STPG2: variants seen among roughly 807,000 people sequenced by gnomAD.
STPG2 encodes sperm tail PG-rich repeat containing 2.
In STPG2, 56 loss-of-function variants were observed where a neutral mutation model predicts 54.2. The observed-to-expected ratio is 1.03, with a 90% CI of 0.83 to 1.29. STPG2 has a LOEUF of 1.29. STPG2 is among the 50% of genes most tolerant of loss of function. STPG2 has a pLI of 0.00. For synonymous variants in STPG2, 200 were observed against 181.8 expected (o/e 1.10, Z -0.81); for missense variants, 596 against 544.9 (o/e 1.09, Z -0.93).
At chr4:97,839,691 A>G (rs72881449) in intron 9 of STPG2, among the ~76,000 whole-genome samples, 19,400 of 151,600 alleles carry the variant, frequency 0.13, 1,907 homozygotes, top group African/African-American at 0.26. Flanking sequence ...AAGAAAATAA[A>G]AAGTGAAATT....
intron 10 of STPG2, among the ~76,000 whole-genome samples, chr4:97,684,443 A>G (rs1470573610): frequency 6.6e-6 from 1 of 151,988 alleles, no homozygotes; most frequent in Non-Finnish European, 1.5e-5. Context: ...AGTACAGCCA[A>G]CTGATCTTTG....
At chr4:97,781,180 C>A (rs528656060) in intron 9 of STPG2, among the ~76,000 whole-genome samples, 5 of 152,076 alleles carry the variant, frequency 3.3e-5, no homozygotes, top group African/African-American at 9.7e-5. Flanking sequence ...AATTGATAGA[C>A]CGCTAGCAAG....
At chr4:97,922,533 T>C (rs1341391763) in intron 8 of STPG2, among the ~76,000 whole-genome samples, 1 of 152,178 alleles carries the variant, frequency 6.6e-6, no homozygotes, top group Non-Finnish European at 1.5e-5. Flanking sequence ...AAAAAGTTGT[T>C]TGTAGTGCTG....
At chr4:97,476,742 T>G (rs1044162276) in intron 4 of STPG2, among the ~76,000 whole-genome samples, 12 of 152,238 alleles carry the variant, frequency 7.9e-5, no homozygotes, top group Admixed American at 5.2e-4. Context: ...TGGAAGCAGT[T>G]TTGCAGCATC....
At chr4:97,654,759 A>G (rs1191159329) in intron 10 of STPG2, among the ~76,000 whole-genome samples, 1 of 152,132 alleles carries the variant, frequency 6.6e-6, no homozygotes, top group African/African-American at 2.4e-5. Flanking sequence ...AACAACAGAA[A>G]AAATGGTCAA....
chr4:97,652,202 C>T (rs962847201), intron 10 of STPG2, among the ~76,000 whole-genome samples: 6 of 151,706 alleles, frequency 4.0e-5, no homozygotes, highest in Non-Finnish European at 5.9e-5. Flanking sequence ...CACATTGTAA[C>T]GAAGAAAGCA....
At chr4:97,795,986 CAT>C (rs1200664983) in intron 9 of STPG2, among the ~76,000 whole-genome samples, 9 of 152,218 alleles carry the variant, frequency 5.9e-5, no homozygotes, top group Admixed American at 2.6e-4. Context: ...CTGTTGGCTG[CAT>C]AAATGTCTTC....
At chr4:98,102,350 A>T (rs189015582) in intron 5 of STPG2, among the ~76,000 whole-genome samples, 80 of 152,306 alleles carry the variant, frequency 5.3e-4, no homozygotes, top group Non-Finnish European at 9.4e-4. Flanking sequence ...AATATTATTC[A>T]TCCATATATT....
At chr4:97,874,773 G>T (rs370913643) in intron 8 of STPG2, among the ~76,000 whole-genome samples, 1 of 151,452 alleles carries the variant, frequency 6.6e-6, no homozygotes, top group South Asian at 2.1e-4. Context: ...ACAGTATTTC[G>T]AAATGGGGCC....
At position 97,712,773 on chromosome 4, in the gene STPG2, T is replaced by C; in HGVS notation, c.1246A>G (p.Ile416Val). Residue 416 changes from isoleucine (I) to valine (V), a missense_variant, in exon 10 of 11, where the codon ATA (isoleucine) becomes GTA (valine). Coordinates refer to ENST00000295268, the MANE Select transcript of STPG2 (RefSeq NM_174952.3). ...YNPVLRKSCP[I>V]PLFVKASKRF... is the part of the protein sequence containing the mutation. ...TTTGATGCTTTCACAAATAAGGGTA[T>C]GGGGCAAGATTTCCTTAAAACAGGA... The C allele has an allele frequency of 6.2e-7, 1 of 1,608,556 alleles. No homozygotes were observed. Among genetic ancestry groups the C allele is most frequent in the Non-Finnish European group, 8.5e-7 (1 of 1,176,594 alleles).
intron 8 of STPG2, among the ~76,000 whole-genome samples, chr4:97,876,404 T>C (rs1730172539): frequency 6.6e-6 from 1 of 152,100 alleles, no homozygotes; most frequent in South Asian, 2.1e-4. Flanking sequence ...TTAATGCTTC[T>C]TTTATAATTA....
chr4:98,055,700 C>T (rs13111960), intron 5 of STPG2, among the ~76,000 whole-genome samples: 59,348 of 152,042 alleles, frequency 0.39, 11,806 homozygotes, highest in Middle Eastern at 0.46. Flanking sequence ...GGACAGCCAT[C>T]CCTCTAGGCT....
At chr4:97,917,846 A>T (rs1348423678) in intron 8 of STPG2, among the ~76,000 whole-genome samples, 1 of 152,118 alleles carries the variant, frequency 6.6e-6, no homozygotes, top group East Asian at 1.9e-4. Flanking sequence ...TCATCTTTTT[A>T]GGCTTATTAA....
In STPG2 at chr4:98,143,027, C is replaced by G; in HGVS notation, c.109+15G>C. ...GATGCCTGTCACAGGAGCTCTGCCTCTTCCTACATCTTACCTGTCGCCTGC... is the reference window on the plus strand; with the variant it reads ...GATGCCTGTCACAGGAGCTCTGCCTGTTCCTACATCTTACCTGTCGCCTGC... On this transcript the variant is annotated intron_variant, in intron 1 of 10. Transcript: ENST00000295268. 6.2e-7 allele frequency: 1 copy of G among 1,602,838 alleles called. No homozygotes were observed. Among genetic ancestry groups the G allele is most frequent in the Non-Finnish European group, 8.5e-7 (1 of 1,172,942 alleles).
chr4:97,572,888 CCTA>C (rs747671310), intron 10 of STPG2, among the ~76,000 whole-genome samples: 11 of 152,126 alleles, frequency 7.2e-5, no homozygotes, highest in Middle Eastern at 3.4e-3. Flanking sequence ...ATAAATTTTA[CCTA>C]CTATTATTCA....
At chr4:98,019,278 C>T (rs575585644) in intron 5 of STPG2, among the ~76,000 whole-genome samples, 2 of 152,132 alleles carry the variant, frequency 1.3e-5, no homozygotes, top group Admixed American at 1.3e-4. Flanking sequence ...TAGGGAATCC[C>T]TTTCCCATTG....
intron 8 of STPG2, among the ~76,000 whole-genome samples, chr4:97,934,462 G>T (rs527373915): frequency 6.6e-6 from 1 of 152,268 alleles, no homozygotes; most frequent in Non-Finnish European, 1.5e-5. Context: ...AATGCTTCCA[G>T]CTTTTTCCCA....
Position 97,800,904 on chromosome 4 carries a change from G to A in STPG2, c.1204+39869C>T, listed in dbSNP as rs989358574. ...TGGCAGGCACCCCTCCCCCAGCCTC[G>A]CTGCCACCTTGCAGTTGGATCTCAG... On this transcript the variant is annotated intron_variant, in intron 9 of 10. Coordinates refer to ENST00000295268, the MANE Select transcript of STPG2 (RefSeq NM_174952.3). 1.9e-4 allele frequency among the ~76,000 whole-genome samples: 29 copies of A among 152,198 alleles called. 1 individual carries two copies. Among genetic ancestry groups the A allele is most frequent in the African/African-American group, 3.6e-4 (15 of 41,546 alleles).
chr4:97,512,362 C>T (rs1313654468), intron 4 of STPG2, among the ~76,000 whole-genome samples: 6 of 151,948 alleles, frequency 3.9e-5, no homozygotes, highest in East Asian at 1.9e-4. Context: ...TTGTGAGAAG[C>T]GTTCACTTCA....
Sources: allele counts gnomAD v4.1 joint callset (sites outside exome capture counted in the v4.1 genomes callset), GRCh38; gene constraint gnomAD v4.1.1; transcripts MANE v1.5; gene names NCBI Gene and HGNC (gene_info 2026-07-23, HGNC 2026-07-21).